Variants in DCC observed in about 807,000 individuals in gnomAD.
DCC encodes netrin receptor DCC.
In DCC, 58 loss-of-function variants were observed where a neutral mutation model predicts 172.5. That is an observed-to-expected ratio of 0.34 (90% CI 0.27 to 0.42). The LOEUF (loss-of-function observed/expected upper bound fraction) is 0.42, where lower values mean the gene tolerates loss of function less well. Among genes scored for constraint, DCC ranks in the 10% least tolerant of loss-of-function variants. The pLI is 1.00. For missense variants in DCC, 1,740 were observed against 1,791.0 expected (o/e 0.97, Z 0.51); for synonymous variants, 709 against 644.5 (o/e 1.10, Z -1.52).
chr18:52,610,676 C>T (rs1405556427), intron 1 of DCC, among the ~76,000 whole-genome samples: 2 of 152,032 alleles, frequency 1.3e-5, no homozygotes, highest in African/African-American at 4.8e-5. Flanking sequence ...GTGAGTCATG[C>T]CGCTTTGGTG....
chr18:53,197,855 GAGAA>G (rs1321038896), intron 9 of DCC, among the ~76,000 whole-genome samples: 3 of 152,028 alleles, frequency 2.0e-5, no homozygotes, highest in Non-Finnish European at 4.4e-5. Flanking sequence ...AACAGAGTAA[GAGAA>G]AGAAAAGATA....
chr18:52,559,747 T>A (rs968619791), intron 1 of DCC, among the ~76,000 whole-genome samples: 2 of 151,916 alleles, frequency 1.3e-5, no homozygotes, highest in East Asian at 3.9e-4. Flanking sequence ...TATTTCCCCA[T>A]CCAAGTAAAT....
At chr18:52,569,218 T>C (rs1039238188) in intron 1 of DCC, among the ~76,000 whole-genome samples, 5 of 152,190 alleles carry the variant, frequency 3.3e-5, no homozygotes, top group Admixed American at 6.5e-5. Context: ...ACAACGCATT[T>C]CAGCCCAAGC....
intron 1 of DCC, among the ~76,000 whole-genome samples, chr18:52,399,029 A>C (rs986981484): frequency 6.6e-6 from 1 of 152,022 alleles, no homozygotes; most frequent in Non-Finnish European, 1.5e-5. Flanking sequence ...CTATGAAAAG[A>C]GTAATTATTT....
intron 7 of DCC, among the ~76,000 whole-genome samples, chr18:53,153,954 G>T (rs182190834): frequency 2.0e-5 from 3 of 152,202 alleles, no homozygotes; most frequent in African/African-American, 7.2e-5. Flanking sequence ...GAGGACAGGC[G>T]ATCTGAGCTG....
intron 7 of DCC, among the ~76,000 whole-genome samples, chr18:53,135,436 G>A (rs143876089): frequency 5.6e-4 from 85 of 152,252 alleles, no homozygotes; most frequent in African/African-American, 1.9e-3. Flanking sequence ...ATGCAGGAAA[G>A]GCAATAAAAT....
intron 15 of DCC, among the ~76,000 whole-genome samples, chr18:53,363,431 T>C (rs1599067027): frequency 6.6e-6 from 1 of 152,292 alleles, no homozygotes; most frequent in East Asian, 1.9e-4. Flanking sequence ...TTTTTGAAAG[T>C]TTGTGATAAA....
At chr18:53,102,802 T>C in intron 7 of DCC, among the ~76,000 whole-genome samples, 1 of 152,000 alleles carries the variant, frequency 6.6e-6, no homozygotes. Flanking sequence ...AATGGGTTAT[T>C]ACAGAGCACA....
chr18:53,085,047 A>G (rs2042858620), intron 7 of DCC, among the ~76,000 whole-genome samples: 1 of 152,210 alleles, frequency 6.6e-6, no homozygotes, highest in African/African-American at 2.4e-5. Flanking sequence ...TAGAATGCCC[A>G]CCAAACAATT....
intron 17 of DCC, among the ~76,000 whole-genome samples, chr18:53,395,437 T>C (rs931594612): frequency 6.6e-6 from 1 of 152,196 alleles, no homozygotes; most frequent in African/African-American, 2.4e-5. Context: ...TTACCTAAAA[T>C]ACTTCTTATT....
At chr18:53,410,987 A>G (rs73960120) in intron 20 of DCC, among the ~76,000 whole-genome samples, 1 of 152,138 alleles carries the variant, frequency 6.6e-6, no homozygotes, top group African/African-American at 2.4e-5. Context: ...AATTATGTGA[A>G]TAGCATACTA....
intron 1 of DCC, among the ~76,000 whole-genome samples, chr18:52,602,729 TA>T (rs979398341): frequency 5.9e-5 from 9 of 152,058 alleles, no homozygotes; most frequent in African/African-American, 1.9e-4. Context: ...AAACGAGATT[TA>T]ACACAGGTTA....
intron 5 of DCC, among the ~76,000 whole-genome samples, chr18:52,929,737 G>T (rs2040274580): frequency 6.6e-6 from 1 of 151,440 alleles, no homozygotes; most frequent in Non-Finnish European, 1.5e-5. Context: ...GTTTAAAAAT[G>T]AGATAAATAA....
chr18:53,202,700 T>G (rs2055559296), intron 9 of DCC, among the ~76,000 whole-genome samples: 1 of 152,160 alleles, frequency 6.6e-6, no homozygotes, highest in Non-Finnish European at 1.5e-5. Flanking sequence ...AAATTCTGCT[T>G]GGCCAAGTAC....
chr18:52,673,415 T>G (rs2035589249), intron 1 of DCC, among the ~76,000 whole-genome samples: 1 of 152,162 alleles, frequency 6.6e-6, no homozygotes, highest in Non-Finnish European at 1.5e-5. Flanking sequence ...GTCCCATAAT[T>G]TAAGATTGTC....
At chr18:52,349,690 T>C (rs573775129) in intron 1 of DCC, among the ~76,000 whole-genome samples, 1 of 152,326 alleles carries the variant, frequency 6.6e-6, no homozygotes, top group Admixed American at 6.5e-5. Context: ...GATTCCTGCA[T>C]ACCCTTTTCA....
intron 21 of DCC, among the ~76,000 whole-genome samples, chr18:53,434,747 C>T (rs1911831231): frequency 6.6e-6 from 1 of 152,152 alleles, no homozygotes; most frequent in Non-Finnish European, 1.5e-5. Context: ...TCCATAAAGT[C>T]TTGTCAGTTG....
intron 1 of DCC, among the ~76,000 whole-genome samples, chr18:52,718,599 G>A (rs776169800): frequency 1.6e-4 from 24 of 152,156 alleles, no homozygotes; most frequent in Non-Finnish European, 2.9e-5. Flanking sequence ...GCCTCCGTGT[G>A]GCTCTGTGGG....
At chr18:53,416,256 C>A in intron 21 of DCC, 100 bp downstream of exon 21, 1 of 850,990 alleles carries the variant, frequency 1.2e-6, no homozygotes, top group East Asian at 2.5e-5. Flanking sequence ...CTGGACCATA[C>A]ACCTGATGAA....
Sources: gnomAD v4.1 joint callset for allele counts (sites outside exome capture counted in the v4.1 genomes callset) on GRCh38, gnomAD v4.1.1 for gene constraint, MANE v1.5 for transcripts, NCBI Gene and HGNC (gene_info 2026-07-23, HGNC 2026-07-21) for gene names.